ZNF84: variants seen among roughly 807,000 people sequenced by gnomAD.
ZNF84 encodes zinc finger protein 84, also known as zinc finger protein HPF2.
A neutral mutation model predicts 14.8 loss-of-function variants in ZNF84; 12 were observed. The ratio of observed to expected loss-of-function variants is 0.81; its 90% CI spans 0.52 to 1.31. The LOEUF is 1.31. Ranked by LOEUF, ZNF84 falls within the 50% of genes most tolerant of loss-of-function variation. The pLI is 0.00. For synonymous variants in ZNF84, 347 were observed against 291.1 expected (o/e 1.19, Z -1.96); for missense variants, 859 against 878.6 (o/e 0.98, Z 0.28).
intron 4 of ZNF84, among the ~76,000 whole-genome samples, chr12:133,055,897 A>G (rs1241552182): frequency 1.3e-5 from 2 of 149,430 alleles, no homozygotes; most frequent in East Asian, 4.1e-4. Context: ...CAGGAGTTCA[A>G]GACCATTCTG....
intron 2 of ZNF84, 99 bp downstream of exon 2, chr12:133,041,581 A>T: frequency 8.0e-7 from 1 of 1,253,602 alleles, no homozygotes. Context: ...AAGAAATCAG[A>T]GGAAAATAGC....
At position 133,057,762 on chromosome 12, in the gene ZNF84, C is replaced by G; in HGVS notation, c.1047C>G (p.Cys349Trp). Residue 349 changes from cysteine (C) to tryptophan (W), a missense_variant, in exon 5 of 5, where the codon TGC becomes TGG. Transcript: ENST00000539354. ...RIHTGEKPFE[C>W]RECGKAFSRK... ...ATACCGGTGAGAAGCCTTTTGAATGCAGGGAATGTGGGAAAGCCTTCAGCA... is the reference window on the plus strand; with the variant it reads ...ATACCGGTGAGAAGCCTTTTGAATGGAGGGAATGTGGGAAAGCCTTCAGCA... 6.2e-7 allele frequency: 1 copy of G among 1,613,864 alleles called. No individual in the cohort carries two copies.
Position 133,058,692 on chromosome 12 carries a change from G to T in ZNF84, c.1977G>T (p.Glu659Asp). Reference protein sequence around the residue: ...HTGEKPFECSECGKAFSRKSH... With the variant: ...HTGEKPFECSDCGKAFSRKSH... Reference sequence around the variant, plus strand: ...GAGAGAAGCCTTTTGAATGCAGTGAGTGTGGCAAAGCTTTCTCTCGGAAGT... The same window carrying T: ...GAGAGAAGCCTTTTGAATGCAGTGATTGTGGCAAAGCTTTCTCTCGGAAGT... Residue 659 changes from glutamate to aspartate, a missense_variant, in exon 5 of 5, where the codon GAG (glutamate) becomes GAT (aspartate). By Grantham distance (45) the Glu-to-Asp change is conservative (BLOSUM62 2). Transcript: ENST00000539354. 1 of 1,613,584 alleles carries T rather than the reference G, an allele frequency of 6.2e-7. No homozygotes were observed. The highest frequency in any genetic ancestry group is 8.5e-7 in the Non-Finnish European group (1 of 1,179,900).
In ZNF84 at chr12:133,058,914, T is replaced by C; in HGVS notation, c.2199T>C (p.His733=). The stretch of plus-strand genomic sequence containing the variant: ...AGCTCATCAATCATCAGAGAACTCA[T>C]ACAGTAAAAAAATCCTAGGAATACA... The part of the protein sequence containing the change: ...KSQLINHQRT[H]TVKKS Residue 733 remains histidine (H), a synonymous_variant, in exon 5 of 5, where the codon CAT becomes CAC. Coordinates refer to ENST00000539354, the MANE Select transcript of ZNF84 (RefSeq NM_001289971.2). The C allele has an allele frequency of 6.2e-7, 1 of 1,602,298 alleles. No individual in the cohort carries two copies. The highest frequency in any genetic ancestry group is 8.5e-7 in the Non-Finnish European group (1 of 1,175,188).
rs971720961 is a variant in ZNF84, at chr12:133,048,957, C to T, written c.238+109C>T. On this transcript the variant is annotated intron_variant, in intron 4 of 4. Transcript: ENST00000539354. ...GGTGGGCTGGTCAGTGATGGGTTGG[C>T]TGGTCAGTGACGGGTGGGCTGGTCA... 24 of 837,012 alleles carry T rather than the reference C, an allele frequency of 2.9e-5. No individual in the cohort carries two copies. The African/African-American group carries it at 3.7e-4, about 13-fold the overall frequency. The allele number at this position is 837,012 out of a possible 1,614,324, so 51.8% of individuals were successfully genotyped here.
chr12:133,060,095 C>T lies in ZNF84; in HGVS notation c.*1163C>T, dbSNP rs951052180. ...GTAGTGCTGTATTAAATCTTTTTCT[C>T]ATTTAGTGAGGTGCCTCCATATAGT... On this transcript the variant is annotated 3_prime_UTR_variant, in exon 5 of 5. Coordinates refer to ENST00000539354, the MANE Select transcript of ZNF84 (RefSeq NM_001289971.2). The T allele has an allele frequency of 5.9e-5, 9 of 152,230 alleles. No homozygotes were observed. Among genetic ancestry groups the T allele is most frequent in the African/African-American group, 2.2e-4 (9 of 41,540 alleles). The allele number at this position is 152,230 out of a possible 1,614,324, so 9.4% of individuals were successfully genotyped here.
chr12:133,041,998 G>A (rs1332579241), intron 2 of ZNF84, among the ~76,000 whole-genome samples: 1 of 152,134 alleles, frequency 6.6e-6, no homozygotes, highest in Non-Finnish European at 1.5e-5. Context: ...ATAAGCAATT[G>A]GTAAGTTTTA....
At position 133,043,583 on chromosome 12, in the gene ZNF84, G is replaced by T. The variant is rs761990078; in HGVS notation, c.15+2101G>T. ...CAGCTAGAACACTGCTTTCCAGCAT[G>T]ACAGAATCTATCAAGGCACAGGTTT... is the stretch of plus-strand genomic sequence containing the variant. On this transcript the variant is annotated intron_variant, in intron 2 of 4. Coordinates refer to ENST00000539354, the MANE Select transcript of ZNF84 (RefSeq NM_001289971.2). Among the ~76,000 whole-genome samples, 250 of 152,252 alleles carry T rather than the reference G, an allele frequency of 1.6e-3. 5 individuals carry two copies. Among genetic ancestry groups the T allele is most frequent in the Non-Finnish European group, 3.0e-3 (203 of 68,024 alleles).
At chr12:133,039,702 C>G (rs200370631) in intron 1 of ZNF84, among the ~76,000 whole-genome samples, 1 of 151,974 alleles carries the variant, frequency 6.6e-6, no homozygotes. Flanking sequence ...GTTTCTTAGA[C>G]TCCCATTGTG....
chr12:133,050,453 G>C, intron 4 of ZNF84: 1 of 398,602 alleles, frequency 2.5e-6, no homozygotes, highest in Non-Finnish European at 4.4e-6. Context: ...AGTGCCTCGG[G>C]TAGGAATCAT....
intron 3 of ZNF84, chr12:133,048,500 C>T (rs1328562526): frequency 9.3e-6 from 3 of 321,352 alleles, no homozygotes; most frequent in Middle Eastern, 9.1e-4. Flanking sequence ...TTCCCAAGAA[C>T]TAACAGCTAG....
At chr12:133,040,804 C>A (rs915864992) in intron 1 of ZNF84, 1 of 152,034 alleles carries the variant, frequency 6.6e-6, no homozygotes, top group Non-Finnish European at 1.5e-5. Context: ...GATTTTAACC[C>A]ATTTCCTTCT....
At chr12:133,040,827 CA>C (rs1953873943) in intron 1 of ZNF84, 2 of 151,980 alleles carry the variant, frequency 1.3e-5, no homozygotes, top group South Asian at 4.2e-4. Context: ...AATGGGTAGA[CA>C]AAAATGGCAG....
At chr12:133,047,788 TGGAAGAA>T in intron 2 of ZNF84, 160 bp from the exon 3 acceptor site, 1 of 653,770 alleles carries the variant, frequency 1.5e-6, no homozygotes, top group South Asian at 2.1e-5. Context: ...AATGGAAGGA[TGGAAGAA>T]TGCACAATGA....
At chr12:133,041,982 T>G (rs1953896627) in intron 2 of ZNF84, among the ~76,000 whole-genome samples, 1 of 152,202 alleles carries the variant, frequency 6.6e-6, no homozygotes, top group South Asian at 2.1e-4. Context: ...ATAGAAAATT[T>G]CAGAAATAAG....
intron 2 of ZNF84, among the ~76,000 whole-genome samples, chr12:133,046,347 G>GGTTTGT (rs1953976790): frequency 8.6e-6 from 1 of 116,406 alleles, no homozygotes; most frequent in Admixed American, 8.6e-5. Flanking sequence ...AGTCCTCACA[G>GGTTTGT]TTTTTTTTTT....
At chr12:133,047,623 G>A (rs1374147284) in intron 2 of ZNF84, 8 of 181,346 alleles carry the variant, frequency 4.4e-5, no homozygotes, top group African/African-American at 1.4e-4. Flanking sequence ...TGGTATGACC[G>A]TACTGGCTGT....
Position 133,057,433 on chromosome 12 carries a change from T to G in ZNF84, c.718T>G (p.Cys240Gly), listed in dbSNP as rs1391816683. 1.2e-6 allele frequency: 2 copies of G among 1,614,070 alleles called. No individual in the cohort carries two copies. The highest frequency in any genetic ancestry group is 3.3e-5 in the Admixed American group (2 of 60,006). The change falls in exon 5 of 5, where the codon TGT becomes GGT. Residue 240 changes from cysteine to glycine, a missense_variant. Physicochemically the swap from Cys to Gly is radical, Grantham distance 159 (BLOSUM62 -3). Coordinates refer to ENST00000539354, the MANE Select transcript of ZNF84 (RefSeq NM_001289971.2). ...AGACATAGCCTTTGGCTGTGGTAAT[T>G]GTGGCAAAACCTTTCCCCAGAAGTC... is the stretch of plus-strand genomic sequence containing the variant. The part of the protein sequence containing the change: ...IRDIAFGCGN[C>G]GKTFPQKSQF...
chr12:133,056,886 A>AGTTTT lies in ZNF84; in HGVS notation c.239-47_239-43dup, dbSNP rs1323572505. 693 of 1,370,870 alleles carry AGTTTT rather than the reference A, an allele frequency of 5.1e-4. 1 individual carries two copies. The African/African-American group carries it at 5.5e-3, about 11-fold the overall frequency. The allele number at this position is 1,370,870 out of a possible 1,614,324, so 84.9% of individuals were successfully genotyped here. A position where few individuals can be genotyped will look rare whatever the true frequency, so the allele number is the denominator to read the frequency against. ...GCCAACCCCTCAACATAGCATTTCT[A>AGTTTT]GTTTTGTTTTGTTTTGTTTTGTTTT... On this transcript the variant is annotated intron_variant, in intron 4 of 4. Transcript: ENST00000539354.
Sources: gnomAD v4.1 joint callset for allele counts (sites outside exome capture counted in the v4.1 genomes callset) on GRCh38, gnomAD v4.1.1 for gene constraint, MANE v1.5 for transcripts, NCBI Gene and HGNC (gene_info 2026-07-23, HGNC 2026-07-21) for gene names.